The following WDR59 variants were observed in gnomAD, a reference collection of about 807,000 sequenced individuals.
The protein encoded by WDR59 is GATOR2 complex protein WDR59.
A neutral mutation model predicts 131.2 loss-of-function variants in WDR59; 100 were observed. The ratio of observed to expected loss-of-function variants is 0.76; its 90% CI spans 0.65 to 0.90. The LOEUF (loss-of-function observed/expected upper bound fraction) is 0.90, where lower values mean the gene tolerates loss of function less well. WDR59 is among the 40% of genes least tolerant of loss of function. WDR59 has a pLI of 0.00. For synonymous variants in WDR59, 601 were observed against 466.2 expected, an observed-to-expected ratio of 1.29 and a Z score of -3.72; for missense variants, 1,203 against 1,262.2, an observed-to-expected ratio of 0.95 and a Z score of 0.71.
chr16:74,962,252 G>C (rs1195089020), intron 2 of WDR59, among the ~76,000 whole-genome samples: 1 of 152,056 alleles, frequency 6.6e-6, no homozygotes, highest in African/African-American at 2.4e-5. Context: ...TTTTTGTTTA[G>C]GATTGTCTTG....
At chr16:74,924,932 T>A (rs889048035) in intron 8 of WDR59, among the ~76,000 whole-genome samples, 1 of 152,072 alleles carries the variant, frequency 6.6e-6, no homozygotes, top group Non-Finnish European at 1.5e-5. Context: ...CTTTGGCAAT[T>A]TCCTATAAAG....
intron 2 of WDR59, among the ~76,000 whole-genome samples, chr16:74,960,093 G>T (rs983398734): frequency 6.6e-6 from 1 of 152,036 alleles, no homozygotes; most frequent in African/African-American, 2.4e-5. Flanking sequence ...ACTTTGGGAG[G>T]CCGAGGCGGG....
intron 25 of WDR59, among the ~76,000 whole-genome samples, chr16:74,884,452 G>C: frequency 6.6e-6 from 1 of 152,272 alleles, no homozygotes; most frequent in South Asian, 2.1e-4. Context: ...GGGTTCAAGC[G>C]ATTCTCCTGC....
At chr16:74,908,488 T>C (rs984280532) in intron 17 of WDR59, among the ~76,000 whole-genome samples, 8 of 152,232 alleles carry the variant, frequency 5.3e-5, no homozygotes, top group Non-Finnish European at 1.2e-4. Flanking sequence ...TGTTTTAAAA[T>C]TACATATTGT....
At chr16:74,934,656 A>G (rs962665356) in intron 8 of WDR59, among the ~76,000 whole-genome samples, 2 of 152,220 alleles carry the variant, frequency 1.3e-5, no homozygotes, top group Non-Finnish European at 2.9e-5. Flanking sequence ...AAGTCCTCTG[A>G]AGAAATATCA....
At chr16:74,880,993 G>A (rs1331875747) in intron 25 of WDR59, among the ~76,000 whole-genome samples, 2 of 152,226 alleles carry the variant, frequency 1.3e-5, no homozygotes, top group Non-Finnish European at 2.9e-5. Context: ...TAGGTGAGCA[G>A]ATCTCTACCT....
At chr16:74,929,383 A>G (rs1035257332) in intron 8 of WDR59, among the ~76,000 whole-genome samples, 3 of 152,204 alleles carry the variant, frequency 2.0e-5, no homozygotes, top group East Asian at 3.8e-4. Context: ...CTGAACAGAC[A>G]TCTCTCAAAG....
chr16:74,894,572 C>G (rs1965199205), intron 18 of WDR59, among the ~76,000 whole-genome samples: 1 of 152,036 alleles, frequency 6.6e-6, no homozygotes, highest in Non-Finnish European at 1.5e-5. Flanking sequence ...AACCAAGGAG[C>G]AGGATTCCAT....
intron 3 of WDR59, among the ~76,000 whole-genome samples, chr16:74,952,316 C>A (rs1413254767): frequency 6.6e-6 from 1 of 151,606 alleles, no homozygotes; most frequent in Non-Finnish European, 1.5e-5. Context: ...GTGGTGCATG[C>A]CTGTGGTCTC....
chr16:74,887,548 T>C (rs2288041), intron 23 of WDR59, 135 bp downstream of exon 23: 213,368 of 808,430 alleles, frequency 0.26, 33,112 homozygotes, highest in East Asian at 0.56. Flanking sequence ...AGCAAGAGTA[T>C]CCCTATCACA....
intron 23 of WDR59, among the ~76,000 whole-genome samples, chr16:74,886,900 C>T (rs139901029): frequency 0.015 from 2,292 of 151,820 alleles, 41 homozygotes; most frequent in African/African-American, 0.05. Context: ...TCCAGCCTGG[C>T]GACAGAGCAA....
chr16:74,927,687 C>A (rs965012236), intron 8 of WDR59, among the ~76,000 whole-genome samples: 4 of 147,198 alleles, frequency 2.7e-5, no homozygotes, highest in African/African-American at 1.0e-4. Context: ...TTAAAAAACA[C>A]ACACACACAC....
chr16:74,967,457 G>A (rs143141909), intron 1 of WDR59, among the ~76,000 whole-genome samples: 1 of 152,018 alleles, frequency 6.6e-6, no homozygotes, highest in Non-Finnish European at 1.5e-5. Flanking sequence ...CCAGGCCCTT[G>A]GTATATACAC....
At chr16:74,947,049 T>C (rs1265868929) in intron 6 of WDR59, among the ~76,000 whole-genome samples, 1 of 152,236 alleles carries the variant, frequency 6.6e-6, no homozygotes, top group African/African-American at 2.4e-5. Flanking sequence ...GCTGGGAATA[T>C]TCCCTAGTAG....
chr16:74,885,551 G>T (rs533717044), intron 25 of WDR59, 102 bp downstream of exon 25: 41 of 1,335,854 alleles, frequency 3.1e-5, no homozygotes, highest in African/African-American at 4.6e-5. Context: ...TTTCTGCTTA[G>T]AAATGAGAAG....
chr16:74,922,389 A>G (rs2030331155), intron 9 of WDR59, among the ~76,000 whole-genome samples: 1 of 152,240 alleles, frequency 6.6e-6, no homozygotes, highest in African/African-American at 2.4e-5. Context: ...CTATGCAATG[A>G]AACACACTGT....
rs530501737 is a variant in WDR59, at chr16:74,927,798, A to C, written c.652-3795T>G. 2.0e-4 allele frequency among the ~76,000 whole-genome samples: 31 copies of C among 151,950 alleles called. No homozygotes were observed. The South Asian group carries it at 6.5e-3, about 32-fold the overall frequency. Reference sequence around the variant, plus strand: ...AACTACTCCATGGCTGTTTTTTTCAAAAGATCGTTTCCATGTCACATGAGA... The same window carrying C: ...AACTACTCCATGGCTGTTTTTTTCACAAGATCGTTTCCATGTCACATGAGA... On this transcript the variant is annotated intron_variant, in intron 8 of 25. Coordinates refer to ENST00000262144, the MANE Select transcript of WDR59 (RefSeq NM_030581.4).
At chr16:74,920,449 G>A (rs2030093314) in intron 10 of WDR59, among the ~76,000 whole-genome samples, 1 of 152,068 alleles carries the variant, frequency 6.6e-6, no homozygotes, top group Admixed American at 6.5e-5. Flanking sequence ...TCTCCAGGCT[G>A]GAGTGCAGTG....
chr16:74,927,985 G>A (rs2031014815), intron 8 of WDR59, among the ~76,000 whole-genome samples: 1 of 139,696 alleles, frequency 7.2e-6, no homozygotes, highest in Non-Finnish European at 1.5e-5. Context: ...TCGGCTCACT[G>A]CAACCTCCGC....
Sources: allele counts gnomAD v4.1 joint callset (sites outside exome capture counted in the v4.1 genomes callset), GRCh38; gene constraint gnomAD v4.1.1; transcripts MANE v1.5; gene names NCBI Gene and HGNC (gene_info 2026-07-23, HGNC 2026-07-21).